P4HA1: variants seen among roughly 807,000 people sequenced by gnomAD.
The protein encoded by P4HA1 is prolyl 4-hydroxylase subunit alpha 1, also known as prolyl 4-hydroxylase subunit alpha-1.
Under a neutral mutation model 72.8 loss-of-function variants are expected in P4HA1, and 24 were observed. The ratio of observed to expected loss-of-function variants is 0.33; its 90% CI spans 0.24 to 0.46. The LOEUF (loss-of-function observed/expected upper bound fraction) is 0.46, where lower values mean the gene tolerates loss of function less well. P4HA1 is among the 20% of genes least tolerant of loss of function. The pLI is 1.00. For synonymous variants in P4HA1, 201 were observed against 218.8 expected, an observed-to-expected ratio of 0.92 and a Z score of 0.72; for missense variants, 446 against 640.6, an observed-to-expected ratio of 0.70 and a Z score of 3.28.
rs778173529 is a variant in P4HA1, at chr10:73,008,182, A to T, written c.*40T>A. ...ACTAGGAAATGTGTATATCAGACAC[A>T]TAAGAGTACAACAATAGGAGAAAAA... On this transcript the variant is annotated 3_prime_UTR_variant, in exon 15 of 15. Coordinates refer to ENST00000394890, the MANE Select transcript of P4HA1 (RefSeq NM_001017962.3). 1.3e-5 allele frequency: 16 copies of T among 1,242,810 alleles called. No homozygotes were observed. The highest frequency in any genetic ancestry group is 1.8e-5 in the Non-Finnish European group (15 of 844,188). The allele number at this position is 1,242,810 out of a possible 1,614,324, so 77.0% of individuals were successfully genotyped here.
At chr10:73,083,731 T>C (rs1841869721) in intron 1 of P4HA1, among the ~76,000 whole-genome samples, 1 of 152,312 alleles carries the variant, frequency 6.6e-6, no homozygotes, top group African/African-American at 2.4e-5. Context: ...TTCAAAGTTC[T>C]AGTAGTTCTG....
intron 9 of P4HA1, 149 bp from the exon 10 acceptor site, chr10:73,030,519 T>A: frequency 2.4e-6 from 1 of 418,220 alleles, no homozygotes; most frequent in Non-Finnish European, 4.2e-6. Context: ...AGTATCATCT[T>A]TATTAATGGA....
intron 1 of P4HA1, among the ~76,000 whole-genome samples, chr10:73,086,956 A>T (rs1003264361): frequency 6.6e-6 from 1 of 150,746 alleles, no homozygotes; most frequent in Non-Finnish European, 1.5e-5. Context: ...AAAAAAAAAA[A>T]AAAGAGGAAA....
At chr10:73,067,721 A>G (rs1293342470) in intron 5 of P4HA1, among the ~76,000 whole-genome samples, 1 of 151,990 alleles carries the variant, frequency 6.6e-6, no homozygotes, top group Non-Finnish European at 1.5e-5. Flanking sequence ...CTGGTCCATT[A>G]GATCTCAATT....
intron 5 of P4HA1, among the ~76,000 whole-genome samples, chr10:73,059,266 T>C (rs908597288): frequency 6.6e-6 from 1 of 151,426 alleles, no homozygotes; most frequent in Admixed American, 6.6e-5. Context: ...GTTTGGACTG[T>C]CAAAGAATTT....
chr10:73,014,511 G>A (rs1385429223), intron 11 of P4HA1, among the ~76,000 whole-genome samples: 1 of 152,090 alleles, frequency 6.6e-6, no homozygotes. Flanking sequence ...GGCCTCAAGC[G>A]ATCCTCCTGC....
At chr10:73,037,001 A>ATT (rs145928886) in intron 9 of P4HA1, among the ~76,000 whole-genome samples, 29 of 151,100 alleles carry the variant, frequency 1.9e-4, no homozygotes, top group African/African-American at 5.1e-4. Flanking sequence ...CTGAGTTGGG[A>ATT]TTTTTTTTTA....
intron 1 of P4HA1, among the ~76,000 whole-genome samples, chr10:73,091,129 A>G (rs1305322605): frequency 6.6e-6 from 1 of 151,040 alleles, no homozygotes; most frequent in East Asian, 1.9e-4. Flanking sequence ...GAATGTCTTC[A>G]TGTAACCTTT....
intron 5 of P4HA1, among the ~76,000 whole-genome samples, chr10:73,061,259 T>TA: frequency 6.6e-6 from 1 of 152,312 alleles, no homozygotes; most frequent in East Asian, 1.9e-4. Flanking sequence ...CCTATGGAGT[T>TA]AATTTTAAAA....
At position 73,057,060 on chromosome 10, in the gene P4HA1, GA is replaced by G. The variant is rs536039460; in HGVS notation, c.464-3471del. Among the ~76,000 whole-genome samples the G allele has an allele frequency of 6.3e-3, 573 of 91,454 alleles. 2 individuals are homozygous for G. The highest frequency in any genetic ancestry group is 0.012 in the African/African-American group (314 of 26,942). 60.0% of individuals were successfully genotyped at this position (91,454 alleles called of 152,430 possible). A position where few individuals can be genotyped will look rare whatever the true frequency, so the allele number is the denominator to read the frequency against. ...GAGTGACAGAGCAAGACGCTGTCTC[GA>G]AAAAAAAAAAAAAAATAGATTAAAC... On this transcript the variant is annotated intron_variant, in intron 5 of 14. Transcript: ENST00000394890.
intron 1 of P4HA1, among the ~76,000 whole-genome samples, chr10:73,078,672 C>T (rs1270844103): frequency 4.6e-5 from 6 of 130,102 alleles, no homozygotes; most frequent in South Asian, 2.3e-4. Flanking sequence ...AGTGTAGTAG[C>T]GCAATCTCAG....
Position 73,064,238 on chromosome 10 carries a change from G to T in P4HA1, c.463+4608C>A, listed in dbSNP as rs547742903. 4.6e-5 allele frequency among the ~76,000 whole-genome samples: 7 copies of T among 152,260 alleles called. No individual in the cohort carries two copies. In the South Asian group the frequency reaches 1.2e-3, roughly 27 times the overall value. ...CCCCACCACTTTGGGAGGCTGCGGG[G>T]TGCGGGGGGGTGGATTGCTTGAGCT... On this transcript the variant is annotated intron_variant, in intron 5 of 14. Coordinates refer to ENST00000394890, the MANE Select transcript of P4HA1 (RefSeq NM_001017962.3).
At chr10:73,081,517 G>A (rs1773963849) in intron 1 of P4HA1, among the ~76,000 whole-genome samples, 1 of 152,076 alleles carries the variant, frequency 6.6e-6, no homozygotes, top group Non-Finnish European at 1.5e-5. Flanking sequence ...GGTAGGCCTG[G>A]ATAAAAATAA....
intron 5 of P4HA1, among the ~76,000 whole-genome samples, chr10:73,060,890 C>T (rs888904120): frequency 6.6e-6 from 1 of 152,072 alleles, no homozygotes; most frequent in African/African-American, 2.4e-5. Context: ...GACACCAACT[C>T]ATTACTCTGA....
At chr10:73,060,309 TATGAA>T in intron 5 of P4HA1, among the ~76,000 whole-genome samples, 1 of 152,346 alleles carries the variant, frequency 6.6e-6, no homozygotes, top group African/African-American at 2.4e-5. Flanking sequence ...ATTTGAACAA[TATGAA>T]CTTACATATT....
At chr10:73,018,861 C>A (rs1840069677) in intron 10 of P4HA1, among the ~76,000 whole-genome samples, 1 of 152,022 alleles carries the variant, frequency 6.6e-6, no homozygotes, top group Admixed American at 6.6e-5. Flanking sequence ...AGTCACAGAT[C>A]CTGGCACTAT....
chr10:73,024,032 A>G (rs1050809172), intron 10 of P4HA1, among the ~76,000 whole-genome samples: 1 of 152,188 alleles, frequency 6.6e-6, no homozygotes, highest in Non-Finnish European at 1.5e-5. Flanking sequence ...CTCTCACACA[A>G]TAATAATGAG....
chr10:73,062,216 T>C (rs1841328831), intron 5 of P4HA1, among the ~76,000 whole-genome samples: 1 of 152,186 alleles, frequency 6.6e-6, no homozygotes, highest in South Asian at 2.1e-4. Context: ...CATAGGTTCA[T>C]TATGTTATTA....
chr10:73,070,388 C>G (rs542986646), intron 4 of P4HA1, among the ~76,000 whole-genome samples: 3 of 151,858 alleles, frequency 2.0e-5, no homozygotes, highest in South Asian at 4.2e-4. Context: ...AACTCCTGAC[C>G]TCAAGTGATC....
Sources: allele counts gnomAD v4.1 joint callset (sites outside exome capture counted in the v4.1 genomes callset), GRCh38; gene constraint gnomAD v4.1.1; transcripts MANE v1.5; gene names NCBI Gene and HGNC (gene_info 2026-07-23, HGNC 2026-07-21).